KCNU1: variants seen among roughly 807,000 people sequenced by gnomAD.
The protein encoded by KCNU1 is potassium calcium-activated channel subfamily U member 1, also known as potassium channel subfamily U member 1.
In KCNU1, 93 loss-of-function variants were observed where a neutral mutation model predicts 126.8. The observed-to-expected ratio is 0.73, with a 90% CI of 0.62 to 0.87. The LOEUF (loss-of-function observed/expected upper bound fraction) is 0.87, where lower values mean the gene tolerates loss of function less well. KCNU1 is among the 40% of genes least tolerant of loss of function. The pLI is 0.00. For missense variants in KCNU1, 1,330 were observed against 1,367.1 expected, an observed-to-expected ratio of 0.97 and a Z score of 0.43; for synonymous variants, 523 against 494.2, an observed-to-expected ratio of 1.06 and a Z score of -0.77.
chr8:36,824,769 C>T (rs1191581743), intron 10 of KCNU1, among the ~76,000 whole-genome samples: 1 of 151,936 alleles, frequency 6.6e-6, no homozygotes, highest in Non-Finnish European at 1.5e-5. Flanking sequence ...TTATTTACCT[C>T]AATGTTATGT....
chr8:36,833,611 G>C lies in KCNU1; in HGVS notation c.1164G>C (p.Thr388=), dbSNP rs376775218. ...TIFKCYLAYT[T]FISGSAMKWE... Reference sequence around the variant, plus strand: ...TTAAATGCTACTTGGCCTACACAACGTTCATTTCTGGATCTGCAATGAAGT... The same window carrying C: ...TTAAATGCTACTTGGCCTACACAACCTTCATTTCTGGATCTGCAATGAAGT... Residue 388 remains threonine, a synonymous_variant, in exon 11 of 27, where the codon ACG becomes ACC. Transcript: ENST00000399881. 1 of 1,612,310 alleles carries C rather than the reference G, an allele frequency of 6.2e-7. No individual in the cohort carries two copies. The highest frequency in any genetic ancestry group is 2.2e-5 in the East Asian group (1 of 44,768).
chr8:36,867,754 T>A (rs1022955863), intron 19 of KCNU1, among the ~76,000 whole-genome samples: 1 of 152,190 alleles, frequency 6.6e-6, no homozygotes, highest in Non-Finnish European at 1.5e-5. Flanking sequence ...ACAAAAATAA[T>A]TTAACATATC....
In KCNU1 at chr8:36,907,469, T is replaced by C. The variant is rs147989665; in HGVS notation, c.2106+1665T>C. Among the ~76,000 whole-genome samples, 26 of 152,276 alleles carry C rather than the reference T, an allele frequency of 1.7e-4. No homozygotes were observed. The East Asian group carries it at 4.8e-3, about 28-fold the overall frequency. On this transcript the variant is annotated intron_variant, in intron 20 of 26. Coordinates refer to ENST00000399881, the MANE Select transcript of KCNU1 (RefSeq NM_001031836.3). ...ACATTAAATACCGTTAGAGGCTTCA[T>C]TATTCAAGTTAAAACTAATCGGATT...
At chr8:36,923,827 G>A (rs755169351) in intron 24 of KCNU1, among the ~76,000 whole-genome samples, 1 of 152,186 alleles carries the variant, frequency 6.6e-6, no homozygotes, top group Non-Finnish European at 1.5e-5. Flanking sequence ...AATGAAGAAG[G>A]AGAGGAGGTT....
chr8:36,815,679 A>G lies in KCNU1; in HGVS notation c.987A>G (p.Lys329=). The change falls in exon 9 of 27, where the codon AAA becomes AAG. Residue 329 remains lysine (K), a synonymous_variant. Coordinates refer to ENST00000399881, the MANE Select transcript of KCNU1 (RefSeq NM_001031836.3). ...ACACCAGTTCCTATGAAGCACTCAA[A>G]GGAAAGAAGTAAGTAGTGTTTTAAG... The part of the protein sequence containing the change: ...RKYTSSYEAL[K]GKKFIVVCGN... 2 of 1,551,948 alleles carry G rather than the reference A, an allele frequency of 1.3e-6. No homozygotes were observed. Among genetic ancestry groups the G allele is most frequent in the Non-Finnish European group, 1.8e-6 (2 of 1,133,524 alleles).
At chr8:36,804,997 C>T (rs906557977) in intron 3 of KCNU1, among the ~76,000 whole-genome samples, 198 bp from the exon 4 acceptor site, 3 of 152,136 alleles carry the variant, frequency 2.0e-5, no homozygotes, top group African/African-American at 7.2e-5. Flanking sequence ...ATTTCCAGTG[C>T]TATTGGCAGT....
At chr8:36,888,881 A>AT (rs757172990) in intron 19 of KCNU1, 180 of 421,718 alleles carry the variant, frequency 4.3e-4, no homozygotes, top group Admixed American at 6.8e-4. Flanking sequence ...TACTAGTTCC[A>AT]TTTTTTTTTC....
intron 19 of KCNU1, among the ~76,000 whole-genome samples, chr8:36,869,626 C>T (rs911545166): frequency 3.3e-5 from 5 of 152,186 alleles, no homozygotes; most frequent in Middle Eastern, 3.4e-3. Context: ...AGCTCCAGAT[C>T]GCCATCTTCT....
intron 19 of KCNU1, among the ~76,000 whole-genome samples, chr8:36,874,738 T>C (rs1806219529): frequency 1.3e-5 from 2 of 152,212 alleles, no homozygotes; most frequent in African/African-American, 4.8e-5. Context: ...TTTCGTACAA[T>C]TATTTATACC....
intron 2 of KCNU1, among the ~76,000 whole-genome samples, chr8:36,791,942 T>C (rs964683143): frequency 3.3e-5 from 5 of 152,156 alleles, no homozygotes; most frequent in African/African-American, 1.2e-4. Flanking sequence ...CAAGAATTTA[T>C]TTTGGTATGT....
In KCNU1 at chr8:36,935,978, T is replaced by C. The variant is rs1036561798; in HGVS notation, c.*58T>C. ...GCTGCTTACAAATCATCTCCTGAGA[T>C]GCTAACTTTGAACAAAGAAAATAAG... On this transcript the variant is annotated 3_prime_UTR_variant, in exon 27 of 27. Transcript: ENST00000399881. 1.8e-5 allele frequency: 26 copies of C among 1,423,586 alleles called. No individual in the cohort carries two copies. The highest frequency in any genetic ancestry group is 2.4e-5 in the Non-Finnish European group (25 of 1,055,050). The allele number at this position is 1,423,586 out of a possible 1,614,324, so 88.2% of individuals were successfully genotyped here. A position where few individuals can be genotyped will look rare whatever the true frequency, so the allele number is the denominator to read the frequency against.
At chr8:36,889,166 A>C in intron 19 of KCNU1, 1 of 534,488 alleles carries the variant, frequency 1.9e-6, no homozygotes, top group Non-Finnish European at 3.8e-6. Context: ...GGTATGAGCC[A>C]TATGCCCAGC....
In KCNU1 at chr8:36,807,839, G is replaced by A. The variant is rs186487311; in HGVS notation, c.656+389G>A. On this transcript the variant is annotated intron_variant, in intron 6 of 26. Coordinates refer to ENST00000399881, the MANE Select transcript of KCNU1 (RefSeq NM_001031836.3). ...AAAAAAAAAAGAAACACTTCTTCAG[G>A]CATTGGAATGTAAGACAATTCCTCG... Among the ~76,000 whole-genome samples, 7 of 151,974 alleles carry A rather than the reference G, an allele frequency of 4.6e-5. No individual in the cohort carries two copies. In the East Asian group the frequency reaches 1.4e-3, roughly 29 times the overall value.
chr8:36,882,908 T>C (rs907979906), intron 19 of KCNU1, among the ~76,000 whole-genome samples: 1 of 152,208 alleles, frequency 6.6e-6, no homozygotes, highest in Non-Finnish European at 1.5e-5. Flanking sequence ...CTGTTAAATA[T>C]TGCATCATTC....
chr8:36,839,445 A>C (rs1339489521), intron 14 of KCNU1, among the ~76,000 whole-genome samples: 1 of 152,198 alleles, frequency 6.6e-6, no homozygotes, highest in Non-Finnish European at 1.5e-5. Flanking sequence ...AGTGGTATGA[A>C]CCACCTAATA....
intron 25 of KCNU1, 71 bp downstream of exon 25, chr8:36,931,216 C>G (rs1177331777): frequency 2.7e-6 from 3 of 1,102,804 alleles, no homozygotes; most frequent in Non-Finnish European, 3.9e-6. Context: ...ATGGTCCAGG[C>G]TATTTGGGTT....
At chr8:36,879,268 T>C (rs955237134) in intron 19 of KCNU1, among the ~76,000 whole-genome samples, 5 of 144,826 alleles carry the variant, frequency 3.5e-5, no homozygotes, top group African/African-American at 7.5e-5. Flanking sequence ...ATATGAGATA[T>C]ATAAAAATAT....
Position 36,833,512 on chromosome 8 carries a change from C to A in KCNU1, c.1107-42C>A, listed in dbSNP as rs1804631561. 6.0e-6 allele frequency: 7 copies of A among 1,163,830 alleles called. No homozygotes were observed. In the Admixed American group the frequency reaches 6.8e-5, roughly 11 times the overall value. 72.1% of individuals were successfully genotyped at this position (1,163,830 alleles called of 1,614,324 possible). A position where few individuals can be genotyped will look rare whatever the true frequency, so the allele number is the denominator to read the frequency against. On this transcript the variant is annotated intron_variant, in intron 10 of 26. Coordinates refer to ENST00000399881, the MANE Select transcript of KCNU1 (RefSeq NM_001031836.3). ...AAAAACCTCTAAACCCAGAGTCAAT[C>A]ATCTTTTTTCCCTCATTGCTGCCAC...
intron 23 of KCNU1, among the ~76,000 whole-genome samples, chr8:36,920,721 T>C (rs1483278549): frequency 6.6e-6 from 1 of 152,206 alleles, no homozygotes; most frequent in African/African-American, 2.4e-5. Flanking sequence ...TGTGTGTGTG[T>C]GTGCGTGCGC....
Sources: gnomAD v4.1 joint callset for allele counts (sites outside exome capture counted in the v4.1 genomes callset) on GRCh38, gnomAD v4.1.1 for gene constraint, MANE v1.5 for transcripts, NCBI Gene and HGNC (gene_info 2026-07-23, HGNC 2026-07-21) for gene names.